The following LRRC72 variants were observed in gnomAD, a reference collection of about 807,000 sequenced individuals.
LRRC72 encodes leucine-rich repeat-containing protein 72.
In LRRC72, 41 loss-of-function variants were observed where a neutral mutation model predicts 35.8. The ratio of observed to expected loss-of-function variants is 1.15; its 90% confidence interval spans 0.89 to 1.49. The LOEUF (loss-of-function observed/expected upper bound fraction) is 1.49, where lower values mean the gene tolerates loss of function less well. Ranked by LOEUF, LRRC72 falls within the 40% of genes most tolerant of loss-of-function variation. The probability of loss-of-function intolerance (pLI) is 0.00; values close to 1 mark genes in which losing one functional copy is unlikely to be tolerated. For missense variants in LRRC72, 389 were observed against 330.7 expected (o/e 1.18, Z -1.37); for synonymous variants, 118 against 119.2 (o/e 0.99, Z 0.07).
At chr7:16,564,190 A>G (rs1782788463) in intron 5 of LRRC72, among the ~76,000 whole-genome samples, 2 of 152,214 alleles carry the variant, frequency 1.3e-5, no homozygotes, top group African/African-American at 4.8e-5. Flanking sequence ...ATAATGTATA[A>G]CAGGGTTATG....
chr7:16,551,384 G>C (rs1782545393), intron 3 of LRRC72, among the ~76,000 whole-genome samples: 1 of 152,172 alleles, frequency 6.6e-6, no homozygotes, highest in South Asian at 2.1e-4. Flanking sequence ...TCTTCAAAGT[G>C]ATAAGCATCT....
intron 1 of LRRC72, chr7:16,530,150 T>C (rs945232851): frequency 3.3e-5 from 5 of 152,232 alleles, no homozygotes; most frequent in Admixed American, 1.3e-4. Flanking sequence ...TATAGAGATA[T>C]ATAGAAAAAG....
chr7:16,574,526 T>A (rs886707791), intron 7 of LRRC72, among the ~76,000 whole-genome samples: 6 of 152,124 alleles, frequency 3.9e-5, no homozygotes, highest in Non-Finnish European at 5.9e-5. Flanking sequence ...GAAACCATCA[T>A]TCTGAGTAAA....
intron 3 of LRRC72, among the ~76,000 whole-genome samples, chr7:16,556,476 G>C (rs991157578): frequency 1.3e-5 from 2 of 152,196 alleles, no homozygotes; most frequent in Admixed American, 1.3e-4. Context: ...TGATGAACAG[G>C]ATTATACTGT....
intron 3 of LRRC72, among the ~76,000 whole-genome samples, chr7:16,543,656 G>A (rs1327726772): frequency 1.3e-5 from 2 of 152,216 alleles, no homozygotes; most frequent in African/African-American, 2.4e-5. Flanking sequence ...ATTAGTCACT[G>A]AACAGGCATC....
At position 16,526,960 on chromosome 7, in the gene LRRC72, G is replaced by C. The variant is rs1369915488; in HGVS notation, c.8G>C (p.Trp3Ser). ...GGCCGCCCATGTGTCCTGATGTCCT[G>C]GGACCCGAACCCCGTGCCCCGTACC... MS[W>S]DPNPVPRTLR... The change falls in exon 1 of 9, where the codon TGG becomes TCG. Residue 3 changes from tryptophan (W) to serine (S), a missense_variant. Coordinates refer to ENST00000401542, the MANE Select transcript of LRRC72 (RefSeq NM_001195280.2). 1.3e-6 allele frequency: 2 copies of C among 1,539,762 alleles called. No individual in the cohort carries two copies. The highest frequency in any genetic ancestry group is 1.7e-6 in the Non-Finnish European group (2 of 1,146,918).
intron 7 of LRRC72, among the ~76,000 whole-genome samples, chr7:16,578,505 G>A (rs969593042): frequency 5.9e-5 from 9 of 151,892 alleles, no homozygotes; most frequent in South Asian, 4.2e-4. Flanking sequence ...AAAACAAAAC[G>A]AAAACAAAAA....
chr7:16,540,414 G>T (rs1248109871), intron 3 of LRRC72, among the ~76,000 whole-genome samples: 1 of 152,178 alleles, frequency 6.6e-6, no homozygotes, highest in African/African-American at 2.4e-5. Context: ...GTTCATAGGT[G>T]GAAGGGACTA....
intron 2 of LRRC72, among the ~76,000 whole-genome samples, chr7:16,535,356 ACT>A (rs1401357534): frequency 6.6e-6 from 1 of 152,054 alleles, no homozygotes; most frequent in Non-Finnish European, 1.5e-5. Flanking sequence ...TAAGTAAAAA[ACT>A]CTTGAAAATT....
intron 3 of LRRC72, among the ~76,000 whole-genome samples, chr7:16,551,741 T>C (rs1172076824): frequency 6.6e-6 from 1 of 151,740 alleles, no homozygotes; most frequent in Admixed American, 6.6e-5. Flanking sequence ...CAGCTCTTCA[T>C]CTGTATCCTT....
chr7:16,559,733 G>C (rs1782714525), intron 5 of LRRC72, among the ~76,000 whole-genome samples: 1 of 151,968 alleles, frequency 6.6e-6, no homozygotes, highest in Non-Finnish European at 1.5e-5. Context: ...AGAGTAAAGG[G>C]TGTGGGGTTA....
chr7:16,562,280 C>T (rs921464467), intron 5 of LRRC72, among the ~76,000 whole-genome samples: 2 of 152,112 alleles, frequency 1.3e-5, no homozygotes, highest in Non-Finnish European at 2.9e-5. Context: ...CTTTCTAAAT[C>T]AGAATCCACA....
At chr7:16,537,527 G>A in intron 2 of LRRC72, 100 bp from the exon 3 acceptor site, 1 of 562,680 alleles carries the variant, frequency 1.8e-6, no homozygotes, top group Non-Finnish European at 3.1e-6. Context: ...GACAAAGAGA[G>A]GCCTTTCTAG....
intron 3 of LRRC72, among the ~76,000 whole-genome samples, chr7:16,540,613 G>A (rs913264729): frequency 1.3e-5 from 2 of 152,150 alleles, no homozygotes; most frequent in African/African-American, 2.4e-5. Context: ...ATCTGAAATC[G>A]TAATCCCCAC....
intron 3 of LRRC72, among the ~76,000 whole-genome samples, chr7:16,540,072 G>C (rs1485600117): frequency 6.6e-6 from 1 of 152,124 alleles, no homozygotes; most frequent in Non-Finnish European, 1.5e-5. Context: ...CCGACAACTT[G>C]CACCATGTGC....
chr7:16,532,928 A>C (rs11984149), intron 2 of LRRC72: 4 of 303,994 alleles, frequency 1.3e-5, no homozygotes, highest in Non-Finnish European at 2.6e-5. Flanking sequence ...AATTTTAGTT[A>C]GTATAAATAT....
At position 16,556,859 on chromosome 7, in the gene LRRC72, G is replaced by C. The variant is rs141220845; in HGVS notation, c.235-501G>C. 2.6e-4 allele frequency among the ~76,000 whole-genome samples: 40 copies of C among 152,316 alleles called. 1 individual carries two copies. In the East Asian group the frequency reaches 6.0e-3, roughly 23 times the overall value. On this transcript the variant is annotated intron_variant, in intron 3 of 8. Coordinates refer to ENST00000401542, the MANE Select transcript of LRRC72 (RefSeq NM_001195280.2). ...GTTTAGTATGCCTTGCTGGCCGACA[G>C]CTAATCCTTAAAAATAATTTCGAGT...
intron 3 of LRRC72, among the ~76,000 whole-genome samples, chr7:16,555,834 T>C (rs974872456): frequency 2.0e-5 from 3 of 152,140 alleles, no homozygotes; most frequent in African/African-American, 4.8e-5. Flanking sequence ...ACAAAGAATT[T>C]ACAGTCAGGA....
intron 7 of LRRC72, among the ~76,000 whole-genome samples, chr7:16,572,690 A>T (rs1012909786): frequency 3.7e-4 from 57 of 152,236 alleles, no homozygotes; most frequent in Middle Eastern, 3.2e-3. Context: ...ACCCACAGCC[A>T]ATATCATACT....
Sources: allele counts gnomAD v4.1 joint callset (sites outside exome capture counted in the v4.1 genomes callset), GRCh38; gene constraint gnomAD v4.1.1; transcripts MANE v1.5; gene names NCBI Gene and HGNC (gene_info 2026-07-23, HGNC 2026-07-21).